The following CIB1 variants were observed in gnomAD, a reference collection of about 807,000 sequenced individuals.
The protein encoded by CIB1 is calcium and integrin binding 1, also known as calcium and integrin-binding protein 1.
A neutral mutation model predicts 25.0 loss-of-function variants in CIB1; 19 were observed. The ratio of observed to expected loss-of-function variants is 0.76; its 90% CI spans 0.53 to 1.12. The LOEUF is 1.12. CIB1 is among the 50% of genes most tolerant of loss of function. CIB1 has a pLI of 0.00. For missense variants in CIB1, 236 were observed against 242.6 expected, an observed-to-expected ratio of 0.97 and a Z score of 0.18; for synonymous variants, 104 against 98.5, an observed-to-expected ratio of 1.06 and a Z score of -0.33.
chr15:90,265,675 GT>G, the CIB1 span: 1 of 1,610,686 alleles, frequency 6.2e-7, no homozygotes, highest in Non-Finnish European at 8.5e-7. Context: ...TTCCGCTGCT[GT>G]TTCGTAGCCG....
chr15:90,232,579 G>A, intron 2 of CIB1: 1 of 475,686 alleles, frequency 2.1e-6, no homozygotes, highest in Non-Finnish European at 3.5e-6. Context: ...GATCCCCAAG[G>A]GATGAAGAAG....
the CIB1 span, chr15:90,251,470 T>C: frequency 2.2e-6 from 3 of 1,344,812 alleles, no homozygotes; most frequent in East Asian, 4.7e-5. Flanking sequence ...AGGAATTGTG[T>C]TGTGAATTTG....
At chr15:90,262,931 G>A in the CIB1 span, 1 of 1,525,972 alleles carries the variant, frequency 6.6e-7, no homozygotes, top group African/African-American at 1.4e-5. Context: ...ACTTATCCTT[G>A]GAGATCCTGC....
the CIB1 span, chr15:90,262,645 C>T: frequency 1.3e-6 from 2 of 1,500,740 alleles, no homozygotes; most frequent in Non-Finnish European, 1.8e-6. Flanking sequence ...ACTTGGCTTA[C>T]AGGAACCGCA....
chr15:90,258,179 C>T, the CIB1 span: 2 of 1,614,232 alleles, frequency 1.2e-6, no homozygotes, highest in South Asian at 1.1e-5. Context: ...CCTGTTTTCC[C>T]CAGTATCTGA....
intron 2 of CIB1, chr15:90,232,569 G>A (rs1384272708): frequency 2.1e-6 from 1 of 487,376 alleles, no homozygotes; most frequent in Non-Finnish European, 3.3e-6. Flanking sequence ...TGATTCTAGA[G>A]ATCCCCAAGG....
At chr15:90,255,936 CGCTCTCAGA>C in the CIB1 span, 3 of 1,612,544 alleles carry the variant, frequency 1.9e-6, no homozygotes, top group Non-Finnish European at 2.5e-6. Flanking sequence ...GGAAAAGGGT[CGCTCTCAGA>C]GCTCTGGTCT....
the CIB1 span, among the ~76,000 whole-genome samples, chr15:90,259,652 T>G: frequency 6.6e-6 from 1 of 152,258 alleles, no homozygotes. Context: ...ATTCTCATGT[T>G]AGCACATAAG....
upstream of CIB1, chr15:90,235,928 TA>T (rs1962628089): frequency 6.6e-6 from 1 of 152,166 alleles, no homozygotes. Context: ...CTTCTGTTAG[TA>T]AAAGCTTAGG....
the CIB1 span, chr15:90,249,947 T>TTTAATTTATTTA: frequency 6.8e-6 from 1 of 147,574 alleles, no homozygotes; most frequent in Non-Finnish European, 1.5e-5. Context: ...CTGTATTTTA[T>TTTAATTTATTTA]TTTATTTATT....
At chr15:90,253,267 T>C in the CIB1 span, 3 of 1,613,886 alleles carry the variant, frequency 1.9e-6, no homozygotes, top group South Asian at 3.3e-5. Context: ...GCAGCCCAAA[T>C]GTGTGGCCTG....
At chr15:90,237,253 C>T (rs1962654582), upstream of CIB1, among the ~76,000 whole-genome samples, 1 of 151,056 alleles carries the variant, frequency 6.6e-6, no homozygotes, top group African/African-American at 2.4e-5. Context: ...GCCACCGTGC[C>T]CGGACTTTAT....
the CIB1 span, among the ~76,000 whole-genome samples, chr15:90,251,824 GAAA>G: frequency 1.5e-5 from 2 of 130,604 alleles, no homozygotes; most frequent in African/African-American, 5.7e-5. Flanking sequence ...CAGTAAACAA[GAAA>G]AAAAAAAAAA....
At chr15:90,263,942 T>C in the CIB1 span, 67 of 1,529,642 alleles carry the variant, frequency 4.4e-5, no homozygotes, top group African/African-American at 8.4e-4. Flanking sequence ...CGGTACCATC[T>C]GCAGCCCAAG....
chr15:90,239,631 G>A, the CIB1 span, among the ~76,000 whole-genome samples: 1 of 152,126 alleles, frequency 6.6e-6, no homozygotes, highest in Admixed American at 6.5e-5. Flanking sequence ...TTTCCACCGG[G>A]CCCCTCCCAC....
upstream of CIB1, among the ~76,000 whole-genome samples, chr15:90,236,894 C>G (rs185803260): frequency 5.9e-5 from 9 of 152,248 alleles, no homozygotes; most frequent in East Asian, 1.4e-3. Context: ...AGCATATTGT[C>G]CCTCCTGTAC....
At chr15:90,253,095 C>T in the CIB1 span, among the ~76,000 whole-genome samples, 1 of 152,196 alleles carries the variant, frequency 6.6e-6, no homozygotes, top group Non-Finnish European at 1.5e-5. Flanking sequence ...TTGAAATTGT[C>T]ATGTGGTAAC....
At chr15:90,258,547 G>C in the CIB1 span, 1 of 618,232 alleles carries the variant, frequency 1.6e-6, no homozygotes, top group Non-Finnish European at 2.8e-6. Flanking sequence ...AGGCAGGCCA[G>C]CTGATTTGCT....
the CIB1 span, chr15:90,263,711 T>G: frequency 1.6e-6 from 1 of 637,246 alleles, no homozygotes. Context: ...TACATAAAAA[T>G]GTGGTAAGGG....
Sources: allele counts gnomAD v4.1 joint callset (sites outside exome capture counted in the v4.1 genomes callset), GRCh38; gene constraint gnomAD v4.1.1; transcripts MANE v1.5; gene names NCBI Gene and HGNC (gene_info 2026-07-23, HGNC 2026-07-21).